Variants in DEPTOR observed in about 807,000 individuals in gnomAD.
DEPTOR encodes DEP domain-containing mTOR-interacting protein.
In DEPTOR, 41 loss-of-function variants were observed where a neutral mutation model predicts 41.6. The ratio of observed to expected loss-of-function variants is 0.98; its 90% CI spans 0.77 to 1.28. The LOEUF (loss-of-function observed/expected upper bound fraction) is 1.28, where lower values mean the gene tolerates loss of function less well. Ranked by LOEUF, DEPTOR falls within the 50% of genes most tolerant of loss-of-function variation. The probability of loss-of-function intolerance (pLI) is 0.00; values close to 1 mark genes in which losing one functional copy is unlikely to be tolerated. For missense variants in DEPTOR, 514 were observed against 527.9 expected, an observed-to-expected ratio of 0.97 and a Z score of 0.26; for synonymous variants, 195 against 192.3, an observed-to-expected ratio of 1.01 and a Z score of -0.12.
chr8:120,001,084 AAG>A (rs1812341705), intron 4 of DEPTOR, among the ~76,000 whole-genome samples: 1 of 150,934 alleles, frequency 6.6e-6, no homozygotes, highest in Non-Finnish European at 1.5e-5. Flanking sequence ...CTCAAAAAAA[AAG>A]AAAAAGGATC....
chr8:119,874,273 G>C, intron 1 of DEPTOR: 1 of 386,154 alleles, frequency 2.6e-6, no homozygotes. Flanking sequence ...CGCGCTGTCC[G>C]TCTTCCCGTG....
At chr8:120,024,990 A>T (rs1812777516) in intron 8 of DEPTOR, among the ~76,000 whole-genome samples, 1 of 152,306 alleles carries the variant, frequency 6.6e-6, no homozygotes, top group Middle Eastern at 3.4e-3. Context: ...ACAAGTATTT[A>T]TTGATTACCT....
intron 1 of DEPTOR, among the ~76,000 whole-genome samples, chr8:119,907,765 A>G (rs1039828861): frequency 4.7e-5 from 7 of 147,764 alleles, no homozygotes; most frequent in Non-Finnish European, 5.9e-5. Flanking sequence ...GGCAACAGAG[A>G]GAGACTCTGT....
At position 119,873,907 on chromosome 8, in the gene DEPTOR, G is replaced by C. The variant is rs139561129; in HGVS notation, c.61G>C (p.Gly21Arg). The C allele has an allele frequency of 1.2e-6, 2 of 1,613,798 alleles. No homozygotes were observed. Among genetic ancestry groups the C allele is most frequent in the Non-Finnish European group, 1.7e-6 (2 of 1,179,890 alleles). Residue 21 changes from glycine (G) to arginine (R), a missense_variant, in exon 1 of 9, where the codon GGG becomes CGG. Transcript: ENST00000286234. ...TGACAGCAGCACCAGCGGGAGTGGCGGGGCGCAGCAAAGGGAGCTGGAGCG... is the reference window on the plus strand; with the variant it reads ...TGACAGCAGCACCAGCGGGAGTGGCCGGGCGCAGCAAAGGGAGCTGGAGCG... ...GSDSSTSGSG[G>R]AQQRELERMA...
intron 8 of DEPTOR, among the ~76,000 whole-genome samples, chr8:120,035,873 T>G (rs1409900375): frequency 1.3e-5 from 2 of 152,182 alleles, no homozygotes; most frequent in Non-Finnish European, 2.9e-5. Flanking sequence ...AACCACCAGA[T>G]AGAGAGAATG....
intron 1 of DEPTOR, among the ~76,000 whole-genome samples, chr8:119,878,142 C>A (rs911177589): frequency 6.6e-6 from 1 of 152,018 alleles, no homozygotes; most frequent in African/African-American, 2.4e-5. Context: ...ACCCAGGAGG[C>A]GGAGATTGTG....
At chr8:119,955,405 G>A (rs115648701) in intron 3 of DEPTOR, among the ~76,000 whole-genome samples, 5,098 of 152,110 alleles carry the variant, frequency 0.034, 87 homozygotes, top group African/African-American at 0.043. Flanking sequence ...TTCAAACATA[G>A]GAGTTTTATA....
intron 3 of DEPTOR, among the ~76,000 whole-genome samples, chr8:119,936,451 C>T (rs1052832306): frequency 2.0e-5 from 3 of 152,186 alleles, no homozygotes; most frequent in Non-Finnish European, 4.4e-5. Flanking sequence ...CTTGTCTGGC[C>T]TCTTTAGAGC....
Position 119,946,745 on chromosome 8 carries a change from A to G in DEPTOR, c.425+16807A>G, listed in dbSNP as rs559050024. On this transcript the variant is annotated intron_variant, in intron 3 of 8. Transcript: ENST00000286234. ...GCGAAACTTTGTCTCAAAAAATAAA[A>G]TAAAAAAAAAAGTTCTCTGTGTTCT... Among the ~76,000 whole-genome samples the G allele has an allele frequency of 8.5e-5, 13 of 152,208 alleles. No individual in the cohort carries two copies. The South Asian group carries it at 2.5e-3, about 29-fold the overall frequency.
At chr8:120,048,843 TAGAAG>T (rs1563603105) in intron 8 of DEPTOR, among the ~76,000 whole-genome samples, 2 of 152,162 alleles carry the variant, frequency 1.3e-5, no homozygotes, top group African/African-American at 4.8e-5. Flanking sequence ...CGTTGAAACA[TAGAAG>T]AGGAGAAATT....
intron 1 of DEPTOR, among the ~76,000 whole-genome samples, chr8:119,916,162 C>T (rs202087804): frequency 1.3e-5 from 2 of 151,776 alleles, no homozygotes; most frequent in African/African-American, 4.8e-5. Context: ...TGCAGTGGCG[C>T]GATCTCAGCT....
At chr8:120,047,707 AAAAC>A (rs71571646) in intron 8 of DEPTOR, among the ~76,000 whole-genome samples, 45,524 of 151,756 alleles carry the variant, frequency 0.3, 8,545 homozygotes, top group East Asian at 0.54. Context: ...CTGGTCAATT[AAAAC>A]AAACATGATG....
chr8:119,879,391 A>C (rs1373222928), intron 1 of DEPTOR, among the ~76,000 whole-genome samples: 1 of 152,170 alleles, frequency 6.6e-6, no homozygotes, highest in African/African-American at 2.4e-5. Context: ...TTGTACACAG[A>C]TGTTCATAGC....
At chr8:119,894,221 C>A (rs1455315527) in intron 1 of DEPTOR, among the ~76,000 whole-genome samples, 1 of 151,614 alleles carries the variant, frequency 6.6e-6, no homozygotes, top group Non-Finnish European at 1.5e-5. Context: ...CCACACCCAG[C>A]TAATTAAAAA....
Position 120,003,007 on chromosome 8 carries a change from C to G in DEPTOR, c.821C>G (p.Ser274Cys), listed in dbSNP as rs573198788. 3.8e-6 allele frequency: 6 copies of G among 1,593,494 alleles called. No homozygotes were observed. The African/African-American group carries it at 8.1e-5, about 21-fold the overall frequency. The change falls in exon 6 of 9, where the codon TCT (serine) becomes TGT (cysteine). Residue 274 changes from serine to cysteine, a missense_variant. Physicochemically the swap from Ser to Cys is moderately radical, Grantham distance 112. Coordinates refer to ENST00000286234, the MANE Select transcript of DEPTOR (RefSeq NM_022783.4). The part of the protein sequence containing the change: ...VSPSKEIKIV[S>C]AVRRSSMSSC... Reference sequence around the variant, plus strand: ...CCCAGCAAGGAGATCAAGATCGTGTCTGCAGTGAGGAGAAGCAGCATGAGC... The same window carrying G: ...CCCAGCAAGGAGATCAAGATCGTGTGTGCAGTGAGGAGAAGCAGCATGAGC...
chr8:119,951,341 T>C (rs780145516), intron 3 of DEPTOR, among the ~76,000 whole-genome samples: 19 of 152,152 alleles, frequency 1.2e-4, no homozygotes, highest in Non-Finnish European at 2.6e-4. Context: ...TTGTTTTGAA[T>C]TGAGGGTACA....
intron 1 of DEPTOR, among the ~76,000 whole-genome samples, chr8:119,918,054 T>A (rs1026793960): frequency 3.9e-5 from 6 of 152,128 alleles, no homozygotes; most frequent in African/African-American, 1.4e-4. Context: ...TCCTGCCACA[T>A]CCCCCTCTCC....
chr8:119,883,987 C>T (rs1301329940), intron 1 of DEPTOR, among the ~76,000 whole-genome samples: 1 of 152,216 alleles, frequency 6.6e-6, no homozygotes, highest in Non-Finnish European at 1.5e-5. Context: ...CTGACCTTGA[C>T]TTAAGGTATA....
chr8:119,889,235 G>A (rs546602977), intron 1 of DEPTOR, among the ~76,000 whole-genome samples: 1 of 151,720 alleles, frequency 6.6e-6, no homozygotes, highest in South Asian at 2.1e-4. Flanking sequence ...TAACACAAGG[G>A]AAGATAACTG....
Sources: allele counts gnomAD v4.1 joint callset (sites outside exome capture counted in the v4.1 genomes callset), GRCh38; gene constraint gnomAD v4.1.1; transcripts MANE v1.5; gene names NCBI Gene and HGNC (gene_info 2026-07-23, HGNC 2026-07-21).